Variants in DNM3 observed in about 807,000 individuals in gnomAD.
The protein encoded by DNM3 is dynamin-3.
Under a neutral mutation model 101.6 loss-of-function variants are expected in DNM3, and 47 were observed. That is an observed-to-expected ratio of 0.46 (90% confidence interval 0.37 to 0.59). DNM3 has a LOEUF of 0.59. DNM3 is among the 20% of genes least tolerant of loss of function. The probability of loss-of-function intolerance (pLI) is 0.00; values close to 1 mark genes in which losing one functional copy is unlikely to be tolerated. For missense variants in DNM3, 849 were observed against 1,085.7 expected, an observed-to-expected ratio of 0.78 and a Z score of 3.06; for synonymous variants, 385 against 387.9, an observed-to-expected ratio of 0.99 and a Z score of 0.09.
intron 1 of DNM3, among the ~76,000 whole-genome samples, chr1:171,868,480 G>A (rs1008861250): frequency 2.6e-5 from 4 of 152,154 alleles, no homozygotes; most frequent in African/African-American, 9.7e-5. Context: ...GTGAATAAGT[G>A]GAAATTTTCG....
At chr1:172,321,052 T>G (rs1416863563) in intron 16 of DNM3, among the ~76,000 whole-genome samples, 1 of 152,192 alleles carries the variant, frequency 6.6e-6, no homozygotes, top group African/African-American at 2.4e-5. Flanking sequence ...CCTTCTGAAT[T>G]CAGGACTGTC....
At chr1:172,206,344 C>G (rs1394176664) in intron 14 of DNM3, among the ~76,000 whole-genome samples, 1 of 152,082 alleles carries the variant, frequency 6.6e-6, no homozygotes, top group African/African-American at 2.4e-5. Flanking sequence ...AAGCACAACT[C>G]AAACAATCAC....
chr1:172,180,341 G>A (rs553807971), intron 14 of DNM3, among the ~76,000 whole-genome samples: 4 of 151,986 alleles, frequency 2.6e-5, no homozygotes, highest in East Asian at 1.9e-4. Flanking sequence ...ACCCTGTATC[G>A]TAGATAGGGC....
At chr1:172,343,041 G>C (rs1268689349) in intron 17 of DNM3, among the ~76,000 whole-genome samples, 1 of 152,170 alleles carries the variant, frequency 6.6e-6, no homozygotes, top group Non-Finnish European at 1.5e-5. Flanking sequence ...CTAAGGCGAA[G>C]GAGCTAAGCC....
At chr1:172,020,616 C>A (rs868023301) in intron 4 of DNM3, among the ~76,000 whole-genome samples, 11 of 145,034 alleles carry the variant, frequency 7.6e-5, no homozygotes, top group South Asian at 6.6e-4. Flanking sequence ...CCCAGCTACT[C>A]GGGAGGCTGA....
At chr1:172,106,939 C>T (rs1221040235) in intron 13 of DNM3, among the ~76,000 whole-genome samples, 8 of 139,596 alleles carry the variant, frequency 5.7e-5, no homozygotes, top group Non-Finnish European at 1.2e-4. Flanking sequence ...CGGCTCACTG[C>T]AAGCTCCGCT....
chr1:171,895,540 C>T (rs540470265), intron 1 of DNM3, among the ~76,000 whole-genome samples: 1 of 151,926 alleles, frequency 6.6e-6, no homozygotes, highest in Non-Finnish European at 1.5e-5. Context: ...GGATATTAGC[C>T]CTTTGTCAGA....
At chr1:171,950,058 G>A (rs1192478461) in intron 2 of DNM3, among the ~76,000 whole-genome samples, 1 of 152,068 alleles carries the variant, frequency 6.6e-6, no homozygotes, top group Non-Finnish European at 1.5e-5. Context: ...TTCATGCAAT[G>A]GAATACAACT....
At chr1:172,167,500 C>T (rs559594141) in intron 14 of DNM3, among the ~76,000 whole-genome samples, 2 of 152,188 alleles carry the variant, frequency 1.3e-5, no homozygotes, top group South Asian at 4.1e-4. Context: ...ACCACACTGT[C>T]TTCCACCATG....
chr1:172,393,138 T>C (rs989391668), intron 20 of DNM3: 1 of 152,222 alleles, frequency 6.6e-6, no homozygotes, highest in Non-Finnish European at 1.5e-5. Flanking sequence ...AAATCGACCA[T>C]GCCAAAAGAT....
At chr1:171,842,117 C>T (rs2031308726) in intron 1 of DNM3, among the ~76,000 whole-genome samples, 1 of 152,134 alleles carries the variant, frequency 6.6e-6, no homozygotes, top group Admixed American at 6.5e-5. Flanking sequence ...GGGAGGGGTC[C>T]GCCCCGGGCT....
chr1:171,871,841 GT>G (rs1169154985), intron 1 of DNM3, among the ~76,000 whole-genome samples: 2 of 133,688 alleles, frequency 1.5e-5, no homozygotes, highest in African/African-American at 5.6e-5. Flanking sequence ...CTCTTTTTCT[GT>G]TAAAATTTTA....
At chr1:172,159,382 T>C (rs747276889) in intron 14 of DNM3, among the ~76,000 whole-genome samples, 1 of 152,088 alleles carries the variant, frequency 6.6e-6, no homozygotes, top group Non-Finnish European at 1.5e-5. Context: ...ATTGAGTTAT[T>C]GTCCAAGACT....
At chr1:172,277,388 G>A (rs1011208476) in intron 15 of DNM3, among the ~76,000 whole-genome samples, 2 of 152,092 alleles carry the variant, frequency 1.3e-5, no homozygotes, top group African/African-American at 4.8e-5. Flanking sequence ...TAATTGAAAT[G>A]TGGAAAAACC....
intron 13 of DNM3, among the ~76,000 whole-genome samples, chr1:172,102,983 C>A (rs927998228): frequency 6.6e-6 from 1 of 152,124 alleles, no homozygotes; most frequent in Admixed American, 6.5e-5. Context: ...AATAAAGTAT[C>A]CATTTGTTAC....
chr1:171,878,294 G>T (rs1386293034), intron 1 of DNM3, among the ~76,000 whole-genome samples: 1 of 151,528 alleles, frequency 6.6e-6, no homozygotes, highest in Non-Finnish European at 1.5e-5. Context: ...TAGGGACCTT[G>T]TTTCCTATTC....
intron 17 of DNM3, among the ~76,000 whole-genome samples, chr1:172,342,963 C>A (rs1483806176): frequency 2.6e-5 from 4 of 152,068 alleles, no homozygotes; most frequent in East Asian, 3.8e-4. Flanking sequence ...ATATTTTCTC[C>A]ATTATGTTAA....
chr1:171,950,344 C>T (rs938679417), intron 2 of DNM3, among the ~76,000 whole-genome samples: 1 of 152,020 alleles, frequency 6.6e-6, no homozygotes, highest in Non-Finnish European at 1.5e-5. Context: ...TTTATCTTTT[C>T]TGGTCTAGTG....
At chr1:171,847,757 G>A (rs909187361) in intron 1 of DNM3, among the ~76,000 whole-genome samples, 3 of 152,172 alleles carry the variant, frequency 2.0e-5, no homozygotes, top group Non-Finnish European at 2.9e-5. Flanking sequence ...AGGCAAACCT[G>A]AAAATGGAAT....
Sources: gnomAD v4.1 joint callset for allele counts (sites outside exome capture counted in the v4.1 genomes callset) on GRCh38, gnomAD v4.1.1 for gene constraint, MANE v1.5 for transcripts, NCBI Gene and HGNC (gene_info 2026-07-23, HGNC 2026-07-21) for gene names.